NCAM1: variants seen among roughly 807,000 people sequenced by gnomAD.
NCAM1 encodes the protein neural cell adhesion molecule 1.
NCAM1 carries 14 observed loss-of-function variants against 109.8 expected under a neutral mutation model. The observed-to-expected ratio is 0.13, with a 90% confidence interval of 0.08 to 0.20. The LOEUF is 0.20. NCAM1 is among the 10% of genes least tolerant of loss of function. The pLI is 1.00. For missense variants in NCAM1, 774 were observed against 1,109.9 expected (o/e 0.70, Z 4.30); for synonymous variants, 418 against 442.9 (o/e 0.94, Z 0.70).
At chr11:113,097,910 A>C (rs1245104) in intron 1 of NCAM1, among the ~76,000 whole-genome samples, 1 of 152,214 alleles carries the variant, frequency 6.6e-6, no homozygotes, top group East Asian at 1.9e-4. Flanking sequence ...AGGGGCAATG[A>C]AGCTTTCTTC....
At chr11:113,176,791 A>G (rs564325933) in intron 1 of NCAM1, among the ~76,000 whole-genome samples, 3 of 152,292 alleles carry the variant, frequency 2.0e-5, no homozygotes, top group Admixed American at 2.0e-4. Flanking sequence ...TAGCTTAACA[A>G]ATTCCTAAAG....
chr11:113,196,609 A>G (rs1011958140), intron 1 of NCAM1, among the ~76,000 whole-genome samples: 1 of 152,192 alleles, frequency 6.6e-6, no homozygotes, highest in Admixed American at 6.5e-5. Context: ...TCAAAGCCCC[A>G]TGAGGATGGT....
intron 8 of NCAM1, among the ~76,000 whole-genome samples, chr11:113,220,602 CTTTTTTTTTTTTT>C (rs1175342641): frequency 1.3e-5 from 1 of 75,584 alleles, no homozygotes; most frequent in Non-Finnish European, 2.4e-5. Context: ...CTCTCTCTCT[CTTTTTTTTTTTTT>C]TTTTTTTTTT....
intron 1 of NCAM1, among the ~76,000 whole-genome samples, chr11:113,055,908 C>T (rs1186003327): frequency 6.9e-6 from 1 of 144,720 alleles, no homozygotes; most frequent in Non-Finnish European, 1.5e-5. Context: ...TAATATAGCA[C>T]TATTCACAAT....
intron 1 of NCAM1, among the ~76,000 whole-genome samples, chr11:113,099,097 C>T (rs1470736437): frequency 6.6e-6 from 1 of 152,134 alleles, no homozygotes; most frequent in Non-Finnish European, 1.5e-5. Context: ...CTATTACTTT[C>T]CTTCCATTTT....
chr11:113,255,955 A>G lies in NCAM1; in HGVS notation c.1907A>G (p.Asp636Gly). 6.2e-7 allele frequency: 1 copy of G among 1,607,544 alleles called. No homozygotes were observed. The highest frequency in any genetic ancestry group is 8.5e-7 in the Non-Finnish European group (1 of 1,177,138). Residue 636 changes from aspartate (D) to glycine (G), a missense_variant, in exon 16 of 20, where the codon GAT becomes GGT. By Grantham distance (94) the Asp-to-Gly change is moderately conservative. Around this residue, in one of 4 missense-constraint regions of NCAM1, gnomAD observed 523 missense variants for 784.2 expected, o/e 0.67. Transcript: ENST00000316851. ...ATTAAAGTGAACCTGATCAAGCAGG[A>G]TGACGGCGGCTCCCCCATCAGACAC... ...NSIKVNLIKQ[D>G]DGGSPIRHYL...
At chr11:112,991,168 A>G (rs898915859) in intron 1 of NCAM1, among the ~76,000 whole-genome samples, 2 of 152,196 alleles carry the variant, frequency 1.3e-5, no homozygotes, top group Admixed American at 6.5e-5. Context: ...GAGAATTAAT[A>G]TGATGGGTAA....
At chr11:113,238,713 TG>T (rs1555118731) in intron 14 of NCAM1, among the ~76,000 whole-genome samples, 1 of 152,198 alleles carries the variant, frequency 6.6e-6, no homozygotes. Context: ...CAAGAACCAG[TG>T]GCATTGGTTT....
chr11:113,154,783 A>AT (rs1475481727), intron 1 of NCAM1, among the ~76,000 whole-genome samples: 2 of 152,198 alleles, frequency 1.3e-5, no homozygotes, highest in Non-Finnish European at 2.9e-5. Flanking sequence ...GGTCATGAGG[A>AT]TAAGAGTGAT....
chr11:113,030,093 A>AC (rs1206815056), intron 1 of NCAM1, among the ~76,000 whole-genome samples: 2 of 152,134 alleles, frequency 1.3e-5, no homozygotes, highest in African/African-American at 4.8e-5. Flanking sequence ...AAGCTCTGTG[A>AC]CCCCAGGCAA....
chr11:113,083,625 G>A (rs1169117595), intron 1 of NCAM1, among the ~76,000 whole-genome samples: 1 of 152,166 alleles, frequency 6.6e-6, no homozygotes, highest in East Asian at 1.9e-4. Flanking sequence ...AGTATGTTTG[G>A]CATGATTTTG....
At chr11:113,254,617 G>C (rs1029776239) in intron 15 of NCAM1, among the ~76,000 whole-genome samples, 2 of 152,134 alleles carry the variant, frequency 1.3e-5, no homozygotes, top group African/African-American at 4.8e-5. Context: ...CGTGACTCTC[G>C]CTGTGCCTGC....
chr11:113,149,339 G>A (rs1404237246), intron 1 of NCAM1, among the ~76,000 whole-genome samples: 10 of 152,112 alleles, frequency 6.6e-5, no homozygotes, highest in South Asian at 2.1e-4. Flanking sequence ...TCACTGGAGC[G>A]CCACATGCAT....
At chr11:113,142,735 C>T (rs1326777669) in intron 1 of NCAM1, among the ~76,000 whole-genome samples, 2 of 152,156 alleles carry the variant, frequency 1.3e-5, no homozygotes, top group Non-Finnish European at 2.9e-5. Context: ...GCTGTCTTGC[C>T]ACCTTCCGGA....
At chr11:113,064,272 G>T (rs146661543) in intron 1 of NCAM1, among the ~76,000 whole-genome samples, 4 of 152,304 alleles carry the variant, frequency 2.6e-5, no homozygotes, top group Non-Finnish European at 5.9e-5. Flanking sequence ...AATGGGTCAT[G>T]AGACTGTGTG....
intron 7 of NCAM1, among the ~76,000 whole-genome samples, chr11:113,213,276 T>G (rs963565644): frequency 9.2e-5 from 14 of 152,226 alleles, no homozygotes; most frequent in Admixed American, 4.6e-4. Flanking sequence ...TTTCCTATAT[T>G]CATGAAATAA....
intron 1 of NCAM1, among the ~76,000 whole-genome samples, chr11:113,103,850 T>A (rs1939998702): frequency 6.6e-6 from 1 of 152,184 alleles, no homozygotes; most frequent in East Asian, 1.9e-4. Flanking sequence ...TAAACTTTCA[T>A]TTAGAGGCAC....
intron 1 of NCAM1, among the ~76,000 whole-genome samples, chr11:113,106,708 G>T (rs1186951522): frequency 6.6e-6 from 1 of 152,216 alleles, no homozygotes; most frequent in African/African-American, 2.4e-5. Flanking sequence ...CACTAAGGGG[G>T]TTATTATAGG....
chr11:113,237,913 T>G (rs7105197), intron 14 of NCAM1, among the ~76,000 whole-genome samples: 3 of 53,682 alleles, frequency 5.6e-5, no homozygotes, highest in South Asian at 1.1e-3. Context: ...TAGATATATA[T>G]AGATATATAG....
Sources: allele counts gnomAD v4.1 joint callset (sites outside exome capture counted in the v4.1 genomes callset), GRCh38; gene constraint gnomAD v4.1.1; regional missense constraint gnomAD v4.1.1; transcripts MANE v1.5; gene names NCBI Gene and HGNC (gene_info 2026-07-23, HGNC 2026-07-21).